Variants in ALK observed in about 807,000 individuals in gnomAD.
The protein encoded by ALK is ALK tyrosine kinase receptor.
A neutral mutation model predicts 163.1 loss-of-function variants in ALK; 74 were observed. That is an observed-to-expected ratio of 0.45 (90% CI 0.38 to 0.55). The LOEUF (loss-of-function observed/expected upper bound fraction) is 0.55, where lower values mean the gene tolerates loss of function less well. Ranked by LOEUF, ALK falls within the 20% of genes least tolerant of loss-of-function variation. The probability of loss-of-function intolerance (pLI) is 0.00; values close to 1 mark genes in which losing one functional copy is unlikely to be tolerated. For missense variants in ALK, 2,063 were observed against 2,105.3 expected (o/e 0.98, Z 0.39); for synonymous variants, 960 against 843.2 (o/e 1.14, Z -2.40).
Position 29,254,458 on chromosome 2 carries a change from T to C in ALK, c.2042-3191A>G, listed in dbSNP as rs143434394. On this transcript the variant is annotated intron_variant, in intron 11 of 28. Transcript: ENST00000389048. ...GCCTAGGTTAGTTTATTCTGAGGGTTCTGAAATATTCCCAGAGATGCTGGG... is the reference window on the plus strand; with the variant it reads ...GCCTAGGTTAGTTTATTCTGAGGGTCCTGAAATATTCCCAGAGATGCTGGG... Among the ~76,000 whole-genome samples, 8 of 152,320 alleles carry C rather than the reference T, an allele frequency of 5.3e-5. No homozygotes were observed. The East Asian group carries it at 1.3e-3, about 26-fold the overall frequency.
intron 1 of ALK, among the ~76,000 whole-genome samples, chr2:29,860,893 A>T (rs1558522757): frequency 6.6e-6 from 1 of 152,202 alleles, no homozygotes; most frequent in Non-Finnish European, 1.5e-5. Context: ...AGTTTATAGC[A>T]ATACATATCT....
At chr2:29,198,277 C>A (rs1374363835) in intron 26 of ALK, among the ~76,000 whole-genome samples, 1 of 152,124 alleles carries the variant, frequency 6.6e-6, no homozygotes, top group Non-Finnish European at 1.5e-5. Flanking sequence ...CTTCACTGGC[C>A]TATTTTAATA....
rs1478380978 is a variant in ALK, at chr2:29,288,785, T to C, written c.1817+8103A>G. On this transcript the variant is annotated intron_variant, in intron 9 of 28. Coordinates refer to ENST00000389048, the MANE Select transcript of ALK (RefSeq NM_004304.5). ...GGCCAACATGGTGAAATCCCATCTCTACTAAAAAATACAAAAATTAGCCAG... is the reference window on the plus strand; with the variant it reads ...GGCCAACATGGTGAAATCCCATCTCCACTAAAAAATACAAAAATTAGCCAG... 3.3e-5 allele frequency among the ~76,000 whole-genome samples: 5 copies of C among 151,606 alleles called. No homozygotes were observed. The East Asian group carries it at 9.7e-4, about 30-fold the overall frequency.
chr2:29,826,120 C>G (rs1355045836), intron 1 of ALK, among the ~76,000 whole-genome samples: 1 of 152,098 alleles, frequency 6.6e-6, no homozygotes, highest in East Asian at 1.9e-4. Context: ...TGCCCCTCCC[C>G]ACCCCCTAGC....
chr2:29,266,831 C>T (rs1365135510), intron 11 of ALK, among the ~76,000 whole-genome samples: 1 of 152,170 alleles, frequency 6.6e-6, no homozygotes, highest in Non-Finnish European at 1.5e-5. Flanking sequence ...AGGAATTCTG[C>T]CCATCAGAAT....
intron 1 of ALK, among the ~76,000 whole-genome samples, chr2:29,917,602 G>C (rs1667867563): frequency 6.6e-6 from 1 of 152,168 alleles, no homozygotes; most frequent in Admixed American, 6.5e-5. Context: ...AATGAGGCTG[G>C]GGAGGCAATG....
At chr2:29,721,974 C>T (rs902930531) in intron 1 of ALK, among the ~76,000 whole-genome samples, 3 of 152,328 alleles carry the variant, frequency 2.0e-5, no homozygotes, top group Non-Finnish European at 2.9e-5. Context: ...TCAAGGTCGC[C>T]GACGACCCTA....
chr2:29,210,628 T>A (rs1339505656), intron 24 of ALK, among the ~76,000 whole-genome samples: 1 of 152,158 alleles, frequency 6.6e-6, no homozygotes, highest in Admixed American at 6.5e-5. Flanking sequence ...GAGACAGGGT[T>A]TCACCAAGTT....
chr2:29,377,165 C>T (rs1206657748), intron 5 of ALK, among the ~76,000 whole-genome samples: 3 of 152,054 alleles, frequency 2.0e-5, no homozygotes, highest in Non-Finnish European at 2.9e-5. Context: ...TAGGACCAGA[C>T]CATAAAAACT....
At chr2:29,551,710 A>T (rs182198097) in intron 3 of ALK, among the ~76,000 whole-genome samples, 1 of 152,336 alleles carries the variant, frequency 6.6e-6, no homozygotes, top group East Asian at 1.9e-4. Flanking sequence ...TCTAATAAAT[A>T]TATGACTCTA....
intron 1 of ALK, among the ~76,000 whole-genome samples, chr2:29,756,673 C>T (rs1312485427): frequency 2.6e-5 from 4 of 152,152 alleles, no homozygotes; most frequent in East Asian, 1.9e-4. Flanking sequence ...ATTACAGGCA[C>T]GCACCACCAC....
At chr2:29,646,437 C>T (rs749862446) in intron 3 of ALK, among the ~76,000 whole-genome samples, 2 of 152,138 alleles carry the variant, frequency 1.3e-5, no homozygotes, top group Non-Finnish European at 2.9e-5. Context: ...CTGAAGGGGT[C>T]CTTTTAAAAC....
chr2:29,478,581 G>GCT (rs1671584349), intron 4 of ALK, among the ~76,000 whole-genome samples: 1 of 152,356 alleles, frequency 6.6e-6, no homozygotes, highest in South Asian at 2.1e-4. Flanking sequence ...CTCATGCTGT[G>GCT]CTCTCAAGGC....
intron 4 of ALK, among the ~76,000 whole-genome samples, chr2:29,459,805 A>G (rs1671042937): frequency 6.6e-6 from 1 of 152,200 alleles, no homozygotes; most frequent in Admixed American, 6.5e-5. Context: ...AACATTTAGT[A>G]ACTGCATACC....
intron 4 of ALK, among the ~76,000 whole-genome samples, chr2:29,411,440 A>C (rs376331246): frequency 7.0e-6 from 1 of 142,160 alleles, no homozygotes; most frequent in Non-Finnish European, 1.6e-5. Flanking sequence ...AAAAAAAAAA[A>C]CCTTTTGGTA....
chr2:29,200,826 C>CGTATATATATATGT, intron 26 of ALK, among the ~76,000 whole-genome samples: 1 of 93,894 alleles, frequency 1.1e-5, no homozygotes, highest in South Asian at 3.2e-4. Context: ...TACATATATA[C>CGTATATATATATGT]GTATATATAT....
At chr2:29,335,865 C>A (rs1159162987) in intron 5 of ALK, among the ~76,000 whole-genome samples, 1 of 151,974 alleles carries the variant, frequency 6.6e-6, no homozygotes, top group Non-Finnish European at 1.5e-5. Context: ...CATAGTGAAA[C>A]CCCATCTCTA....
At chr2:29,908,705 A>C (rs947278785) in intron 1 of ALK, among the ~76,000 whole-genome samples, 28 of 152,224 alleles carry the variant, frequency 1.8e-4, no homozygotes, top group African/African-American at 5.5e-4. Context: ...CCTTTAAGGG[A>C]ATGCTTTTGA....
At chr2:29,724,027 T>C (rs929930013) in intron 1 of ALK, among the ~76,000 whole-genome samples, 1 of 152,262 alleles carries the variant, frequency 6.6e-6, no homozygotes, top group African/African-American at 2.4e-5. Flanking sequence ...ACTGCATGTC[T>C]ATTTATTCCT....
Sources: gnomAD v4.1 joint callset for allele counts (sites outside exome capture counted in the v4.1 genomes callset) on GRCh38, gnomAD v4.1.1 for gene constraint, MANE v1.5 for transcripts, NCBI Gene and HGNC (gene_info 2026-07-23, HGNC 2026-07-21) for gene names.